ENOX1: variants seen among roughly 807,000 people sequenced by gnomAD.
ENOX1 encodes the protein candidate growth-related and time keeping constitutive hydroquinone (NADH) oxidase.
ENOX1 carries 42 observed loss-of-function variants against 82.5 expected under a neutral mutation model. The observed-to-expected ratio is 0.51, with a 90% CI of 0.40 to 0.66. The LOEUF is 0.66. ENOX1 is among the 30% of genes least tolerant of loss of function. ENOX1 has a pLI of 0.00. For synonymous variants in ENOX1, 271 were observed against 282.2 expected, an observed-to-expected ratio of 0.96 and a Z score of 0.40; for missense variants, 608 against 811.6, an observed-to-expected ratio of 0.75 and a Z score of 3.05.
intron 2 of ENOX1, among the ~76,000 whole-genome samples, chr13:43,530,653 A>G (rs993721952): frequency 1.3e-5 from 2 of 152,162 alleles, no homozygotes; most frequent in African/African-American, 4.8e-5. Flanking sequence ...CAACAATTGT[A>G]TAAAACAAAA....
intron 9 of ENOX1, among the ~76,000 whole-genome samples, chr13:43,336,910 C>T (rs2048746050): frequency 6.6e-6 from 1 of 152,174 alleles, no homozygotes; most frequent in South Asian, 2.1e-4. Context: ...AAAGTCTTTC[C>T]ACCATTTGCA....
chr13:43,343,822 CTG>C (rs1173020655), intron 9 of ENOX1, among the ~76,000 whole-genome samples: 1 of 152,148 alleles, frequency 6.6e-6, no homozygotes, highest in Non-Finnish European at 1.5e-5. Flanking sequence ...CATGATGCCA[CTG>C]TGACATTAAC....
intron 2 of ENOX1, among the ~76,000 whole-genome samples, chr13:43,583,973 G>C (rs907489616): frequency 6.6e-6 from 1 of 152,090 alleles, no homozygotes; most frequent in African/African-American, 2.4e-5. Context: ...GCGAAGAATA[G>C]TTTCCCCTTA....
chr13:43,616,204 A>ATATATATATATATATTTTTT (rs1457149422), intron 2 of ENOX1, among the ~76,000 whole-genome samples: 1 of 15,318 alleles, frequency 6.5e-5, no homozygotes, highest in Non-Finnish European at 2.1e-4. Flanking sequence ...ATATATATAT[A>ATATATATATATATATTTTTT]TTTTTTTTTT....
At chr13:43,378,963 A>T (rs1160577128) in intron 5 of ENOX1, among the ~76,000 whole-genome samples, 2 of 152,212 alleles carry the variant, frequency 1.3e-5, no homozygotes, top group African/African-American at 4.8e-5. Flanking sequence ...AAAGGGGAAG[A>T]GGGAGGCAGA....
At chr13:43,553,662 T>C (rs577468737) in intron 2 of ENOX1, among the ~76,000 whole-genome samples, 1 of 152,098 alleles carries the variant, frequency 6.6e-6, no homozygotes, top group South Asian at 2.1e-4. Context: ...CACAGTGATG[T>C]TTACTTAAGG....
chr13:43,365,822 T>A (rs185472822), intron 5 of ENOX1, among the ~76,000 whole-genome samples: 163 of 152,262 alleles, frequency 1.1e-3, no homozygotes, highest in South Asian at 4.6e-3. Context: ...AGAGCCCCCT[T>A]CCTCCCGCCT....
chr13:43,539,613 T>A (rs80270494), intron 2 of ENOX1, among the ~76,000 whole-genome samples: 1 of 152,218 alleles, frequency 6.6e-6, no homozygotes. Flanking sequence ...CAAGTTTTTT[T>A]ATATGTTCTA....
chr13:43,225,623 G>A (rs1400145995), intron 15 of ENOX1, among the ~76,000 whole-genome samples: 1 of 152,120 alleles, frequency 6.6e-6, no homozygotes, highest in Non-Finnish European at 1.5e-5. Flanking sequence ...TCTTGTACTA[G>A]GTCATCCTAT....
intron 11 of ENOX1, among the ~76,000 whole-genome samples, chr13:43,307,431 T>C (rs544511804): frequency 3.3e-5 from 5 of 152,332 alleles, no homozygotes; most frequent in African/African-American, 9.6e-5. Flanking sequence ...TCTAGGGTGA[T>C]TCTGATGCAT....
intron 2 of ENOX1, among the ~76,000 whole-genome samples, chr13:43,534,060 CCAAAAATTTG>C (rs1262248979): frequency 6.6e-6 from 1 of 152,100 alleles, no homozygotes; most frequent in East Asian, 1.9e-4. Context: ...AATTTGTCCT[CCAAAAATTTG>C]CACTGGCTTT....
chr13:43,252,967 C>T (rs756479673), intron 14 of ENOX1, among the ~76,000 whole-genome samples: 2 of 152,168 alleles, frequency 1.3e-5, no homozygotes, highest in African/African-American at 2.4e-5. Flanking sequence ...GAAATTTAAA[C>T]ATATTTATTG....
chr13:43,307,142 C>G (rs1006222560), intron 11 of ENOX1, among the ~76,000 whole-genome samples: 1 of 152,202 alleles, frequency 6.6e-6, no homozygotes, highest in Non-Finnish European at 1.5e-5. Context: ...AATGACTCTG[C>G]TTGGGCTGTC....
intron 14 of ENOX1, among the ~76,000 whole-genome samples, chr13:43,256,338 A>G (rs992969436): frequency 3.3e-5 from 5 of 152,228 alleles, no homozygotes; most frequent in Non-Finnish European, 7.3e-5. Context: ...TTGCACAGAA[A>G]GGGAAACAAT....
intron 14 of ENOX1, among the ~76,000 whole-genome samples, chr13:43,257,042 G>A (rs1228079472): frequency 6.6e-6 from 1 of 152,198 alleles, no homozygotes. Flanking sequence ...TACGTAAAGT[G>A]AAATAACCCA....
intron 2 of ENOX1, among the ~76,000 whole-genome samples, chr13:43,556,459 A>T (rs866484146): frequency 3.9e-5 from 6 of 152,264 alleles, no homozygotes; most frequent in Admixed American, 3.3e-4. Context: ...TTTTTTTCTT[A>T]TAAGCTCAAA....
intron 5 of ENOX1, among the ~76,000 whole-genome samples, chr13:43,391,306 G>A (rs1291693007): frequency 6.6e-6 from 1 of 152,144 alleles, no homozygotes; most frequent in Non-Finnish European, 1.5e-5. Flanking sequence ...ACTGCTGGAA[G>A]TTTTCAAAGC....
intron 2 of ENOX1, among the ~76,000 whole-genome samples, chr13:43,639,885 C>A (rs1346473024): frequency 2.6e-5 from 4 of 152,036 alleles, no homozygotes; most frequent in African/African-American, 9.7e-5. Flanking sequence ...GAACATTAGC[C>A]AGGCATGGTG....
intron 2 of ENOX1, among the ~76,000 whole-genome samples, chr13:43,571,887 G>A (rs990717109): frequency 1.3e-5 from 2 of 152,136 alleles, no homozygotes; most frequent in African/African-American, 2.4e-5. Flanking sequence ...TCAGACAAGC[G>A]GTGGGGCGGT....
Sources: gnomAD v4.1 joint callset for allele counts (sites outside exome capture counted in the v4.1 genomes callset) on GRCh38, gnomAD v4.1.1 for gene constraint, MANE v1.5 for transcripts, NCBI Gene and HGNC (gene_info 2026-07-23, HGNC 2026-07-21) for gene names.